PPP6R2: variants seen among roughly 807,000 people sequenced by gnomAD.
The protein encoded by PPP6R2 is protein phosphatase 6 regulatory subunit 2.
PPP6R2 carries 62 observed loss-of-function variants against 100.2 expected under a neutral mutation model. That is an observed-to-expected ratio of 0.62 (90% CI 0.50 to 0.76). The LOEUF (loss-of-function observed/expected upper bound fraction) is 0.76. PPP6R2 is among the 30% of genes least tolerant of loss of function. PPP6R2 has a pLI of 0.00. For missense variants in PPP6R2, 1,142 were observed against 1,276.3 expected, an observed-to-expected ratio of 0.89 and a Z score of 1.60; for synonymous variants, 525 against 514.7, an observed-to-expected ratio of 1.02 and a Z score of -0.27.
At chr22:50,352,311 C>A (rs889717966) in intron 1 of PPP6R2, among the ~76,000 whole-genome samples, 19 of 152,194 alleles carry the variant, frequency 1.2e-4, no homozygotes, top group African/African-American at 4.6e-4. Flanking sequence ...GAAACAACCT[C>A]CGCTAGCTTC....
chr22:50,337,368 T>A, the PPP6R2 span, among the ~76,000 whole-genome samples: 1 of 115,742 alleles, frequency 8.6e-6, no homozygotes, highest in East Asian at 2.8e-4. Flanking sequence ...GGTGTGTGTG[T>A]GCTGTGTGGG....
At chr22:50,361,259 T>A (rs1423801346) in intron 1 of PPP6R2, among the ~76,000 whole-genome samples, 1 of 152,190 alleles carries the variant, frequency 6.6e-6, no homozygotes, top group East Asian at 1.9e-4. Flanking sequence ...CTGGTTATCA[T>A]ATGGAGACTG....
At chr22:50,381,188 C>T (rs991786714) in intron 2 of PPP6R2, among the ~76,000 whole-genome samples, 7 of 151,872 alleles carry the variant, frequency 4.6e-5, no homozygotes, top group Non-Finnish European at 7.4e-5. Context: ...GGATCTTCCC[C>T]GACAACCAGA....
At chr22:50,375,716 G>C (rs546166538) in intron 2 of PPP6R2, among the ~76,000 whole-genome samples, 1 of 152,138 alleles carries the variant, frequency 6.6e-6, no homozygotes, top group African/African-American at 2.4e-5. Context: ...GGTAGTTCAG[G>C]GAAATCGGGC....
chr22:50,372,351 A>G (rs962734943), intron 2 of PPP6R2, among the ~76,000 whole-genome samples: 3 of 152,058 alleles, frequency 2.0e-5, no homozygotes, highest in Non-Finnish European at 4.4e-5. Context: ...GGAGTTCGAG[A>G]CCAGCCTGAC....
the PPP6R2 span, among the ~76,000 whole-genome samples, chr22:50,331,038 C>T: frequency 2.6e-5 from 4 of 152,102 alleles, no homozygotes; most frequent in African/African-American, 9.7e-5. Context: ...TGTGTGGGGA[C>T]CTGTGTCAGC....
intron 2 of PPP6R2, among the ~76,000 whole-genome samples, chr22:50,385,569 G>T (rs2054050728): frequency 6.7e-6 from 1 of 148,974 alleles, no homozygotes; most frequent in Non-Finnish European, 1.5e-5. Flanking sequence ...AGGCTGGAGT[G>T]CAATGGCGCT....
intron 3 of PPP6R2, among the ~76,000 whole-genome samples, chr22:50,397,598 T>C (rs867358877): frequency 2.1e-3 from 264 of 123,992 alleles, no homozygotes; most frequent in Middle Eastern, 0.018. Context: ...CTCTGAGGAG[T>C]GTGACTTGGG....
chr22:50,436,876 G>A, intron 14 of PPP6R2, 112 bp from the exon 15 acceptor site: 1 of 835,606 alleles, frequency 1.2e-6, no homozygotes, highest in East Asian at 2.7e-5. Context: ...TGAGTGATGT[G>A]CTGGGTGGGG....
chr22:50,418,316 G>C (rs898508537), intron 6 of PPP6R2, among the ~76,000 whole-genome samples: 2 of 152,022 alleles, frequency 1.3e-5, no homozygotes, highest in East Asian at 1.9e-4. Flanking sequence ...GCAGACACAG[G>C]CTTCTTTGAA....
chr22:50,422,330 A>G lies in PPP6R2; in HGVS notation c.922A>G (p.Ile308Val), dbSNP rs1422550955. The G allele has an allele frequency of 1.2e-6, 2 of 1,614,148 alleles. No individual in the cohort carries two copies. The change falls in exon 9 of 24, where the codon ATC becomes GTC. Residue 308 changes from isoleucine (I) to valine (V), a missense_variant. By Grantham distance (29) the Ile-to-Val change is conservative. Transcript: ENST00000612753. Reference sequence around the variant, plus strand: ...TGTCAGCAGCAGCGTACTACACGGCATCGAGCCTCGGCTGAAGGACTTCCA... The same window carrying G: ...TGTCAGCAGCAGCGTACTACACGGCGTCGAGCCTCGGCTGAAGGACTTCCA... ...YAVSSSVLHG[I>V]EPRLKDFHQL... is the part of the protein sequence containing the mutation.
intron 13 of PPP6R2, 146 bp from the exon 14 acceptor site, chr22:50,436,221 C>T: frequency 1.5e-6 from 1 of 678,712 alleles, no homozygotes; most frequent in Non-Finnish European, 2.6e-6. Flanking sequence ...TCCGGCAAAG[C>T]CCCTGCTTCA....
intron 2 of PPP6R2, among the ~76,000 whole-genome samples, chr22:50,378,424 TA>T (rs1393607027): frequency 6.6e-6 from 1 of 151,650 alleles, no homozygotes; most frequent in East Asian, 1.9e-4. Flanking sequence ...CCATCTCTAC[TA>T]AAAATACAAA....
chr22:50,366,985 C>CTT lies in PPP6R2; in HGVS notation c.-147-5024_-147-5023dup, dbSNP rs541397465. 6.2e-5 allele frequency among the ~76,000 whole-genome samples: 9 copies of CTT among 145,740 alleles called. No homozygotes were observed. In the South Asian group the frequency reaches 1.1e-3, roughly 17 times the overall value. On this transcript the variant is annotated intron_variant, in intron 1 of 23. Coordinates refer to ENST00000612753, the MANE Select transcript of PPP6R2 (RefSeq NM_001242898.2). ...GAAAACCATTGCTTCCCTATGTTTT[C>CTT]TTTTTTTTTTTTAGTTGTTGCAGAT...
intron 2 of PPP6R2, chr22:50,393,430 A>G: frequency 1.6e-5 from 16 of 985,206 alleles, no homozygotes; most frequent in Non-Finnish European, 1.9e-5. Flanking sequence ...CTCAGGACAG[A>G]AGACATCCCT....
At chr22:50,420,287 G>T (rs951910454) in intron 8 of PPP6R2, among the ~76,000 whole-genome samples, 1 of 152,182 alleles carries the variant, frequency 6.6e-6, no homozygotes, top group African/African-American at 2.4e-5. Flanking sequence ...GCAGTGAGGG[G>T]GTCCCAGTGT....
the PPP6R2 span, among the ~76,000 whole-genome samples, chr22:50,333,498 G>A: frequency 2.5e-4 from 38 of 152,146 alleles, no homozygotes; most frequent in African/African-American, 7.9e-4. Flanking sequence ...CACCACGCCC[G>A]GCTAATTTTT....
chr22:50,421,159 T>C (rs1217173251), intron 8 of PPP6R2, among the ~76,000 whole-genome samples: 2 of 152,140 alleles, frequency 1.3e-5, no homozygotes, highest in Non-Finnish European at 2.9e-5. Flanking sequence ...TAACCAGAAG[T>C]AGTGTTATAA....
At chr22:50,433,501 C>A (rs34924602) in intron 12 of PPP6R2, among the ~76,000 whole-genome samples, 2,390 of 69,642 alleles carry the variant, frequency 0.034, 245 homozygotes, top group Non-Finnish European at 0.053. Context: ...GGGCAGGGGC[C>A]GGGCATTTGC....
Sources: allele counts gnomAD v4.1 joint callset (sites outside exome capture counted in the v4.1 genomes callset), GRCh38; gene constraint gnomAD v4.1.1; transcripts MANE v1.5; gene names NCBI Gene and HGNC (gene_info 2026-07-23, HGNC 2026-07-21).